The following PRDM16 variants were observed in gnomAD, a reference collection of about 807,000 sequenced individuals.
PRDM16 encodes histone-lysine N-methyltransferase PRDM16.
In PRDM16, 23 loss-of-function variants were observed where a neutral mutation model predicts 110.6. The observed-to-expected ratio is 0.21, with a 90% CI of 0.15 to 0.29. The LOEUF (loss-of-function observed/expected upper bound fraction) is 0.29, where lower values mean the gene tolerates loss of function less well. Among genes scored for constraint, PRDM16 ranks in the 10% least tolerant of loss-of-function variants. PRDM16 has a pLI of 1.00. For missense variants in PRDM16, 1,615 were observed against 1,794.3 expected (o/e 0.90, Z 1.81); for synonymous variants, 799 against 781.8 (o/e 1.02, Z -0.37).
At chr1:3,135,920 G>A (rs528083242) in intron 1 of PRDM16, among the ~76,000 whole-genome samples, 1 of 152,228 alleles carries the variant, frequency 6.6e-6, no homozygotes, top group Non-Finnish European at 1.5e-5. Context: ...CTGCAGAGCG[G>A]GGCAGGGGCC....
At position 3,435,592 on chromosome 1, in the gene PRDM16, C is replaced by T; in HGVS notation, c.*1781C>T. 4.3e-6 allele frequency: 1 copy of T among 229,978 alleles called. No homozygotes were observed. Among genetic ancestry groups the T allele is most frequent in the Non-Finnish European group, 8.6e-6 (1 of 116,442 alleles). 14.2% of individuals were successfully genotyped at this position (229,978 alleles called of 1,614,324 possible). A position where few individuals can be genotyped will look rare whatever the true frequency, so the allele number is the denominator to read the frequency against. ...GAAGAGAAAAAAAATGCCCAAGTTGCCCTTTAAAAAAAAAGAGCGTAAATA... is the reference window on the plus strand; with the variant it reads ...GAAGAGAAAAAAAATGCCCAAGTTGTCCTTTAAAAAAAAAGAGCGTAAATA... On this transcript the variant is annotated 3_prime_UTR_variant, in exon 17 of 17. Coordinates refer to ENST00000270722, the MANE Select transcript of PRDM16 (RefSeq NM_022114.4).
intron 3 of PRDM16, among the ~76,000 whole-genome samples, chr1:3,291,705 G>A (rs577767351): frequency 6.6e-6 from 1 of 152,374 alleles, no homozygotes; most frequent in East Asian, 1.9e-4. Context: ...TCTTGGCAGT[G>A]CGGGGGAGCT....
Position 3,190,925 on chromosome 1 carries a change from C to G in PRDM16, c.387+4451C>G, listed in dbSNP as rs1030500637. On this transcript the variant is annotated intron_variant, in intron 2 of 16. Transcript: ENST00000270722. The surrounding 1 kb of genome is among the most constrained non-coding windows in gnomAD (Gnocchi z 5.0). ...GTGAGGCACTGGGGAGGCCACCTGC[C>G]CCCGGCTGGGCCTTCAGCTGTGTGT... Among the ~76,000 whole-genome samples, 1 of 152,158 alleles carries G rather than the reference C, an allele frequency of 6.6e-6. No individual in the cohort carries two copies. The highest frequency in any genetic ancestry group is 1.5e-5 in the Non-Finnish European group (1 of 68,028).
chr1:3,201,881 G>A lies in PRDM16; in HGVS notation c.387+15407G>A, dbSNP rs557209110. 2.6e-5 allele frequency among the ~76,000 whole-genome samples: 4 copies of A among 152,302 alleles called. No individual in the cohort carries two copies. The highest frequency in any genetic ancestry group is 4.1e-4 in the South Asian group (2 of 4,826). On this transcript the variant is annotated intron_variant, in intron 2 of 16. Coordinates refer to ENST00000270722, the MANE Select transcript of PRDM16 (RefSeq NM_022114.4). The surrounding 1 kb of genome is among the most constrained non-coding windows in gnomAD (Gnocchi z 4.1). ...TCCCAGATCCCACATGAGCTTAGGCGCTGACTCCACCTCTCGGAGGGACCT... is the reference window on the plus strand; with the variant it reads ...TCCCAGATCCCACATGAGCTTAGGCACTGACTCCACCTCTCGGAGGGACCT...
chr1:3,174,937 C>G (rs958625694), intron 1 of PRDM16, among the ~76,000 whole-genome samples: 1 of 152,154 alleles, frequency 6.6e-6, no homozygotes, highest in Non-Finnish European at 1.5e-5. Flanking sequence ...TGCTATCAAT[C>G]TGCTGTGTTA....
chr1:3,297,280 ATTTTTT>A (rs34666813), intron 3 of PRDM16, among the ~76,000 whole-genome samples: 3 of 120,986 alleles, frequency 2.5e-5, no homozygotes, highest in African/African-American at 9.5e-5. Context: ...GGTGAGAGGA[ATTTTTT>A]TTTTTTTTTT....
intron 3 of PRDM16, among the ~76,000 whole-genome samples, chr1:3,313,729 C>T (rs998175419): frequency 6.6e-6 from 1 of 152,216 alleles, no homozygotes; most frequent in Non-Finnish European, 1.5e-5. Flanking sequence ...CTCGCCGCCT[C>T]CTGCCCCGGC....
chr1:3,329,061 C>A (rs1230389323), intron 3 of PRDM16, among the ~76,000 whole-genome samples: 1 of 152,088 alleles, frequency 6.6e-6, no homozygotes, highest in Non-Finnish European at 1.5e-5. Context: ...TGGGCCCCTC[C>A]TAGGAAACTT....
intron 2 of PRDM16, among the ~76,000 whole-genome samples, chr1:3,230,747 C>T (rs1236095246): frequency 6.6e-6 from 1 of 152,252 alleles, no homozygotes; most frequent in African/African-American, 2.4e-5. Context: ...GCCTGTCTCG[C>T]TGGCTGTGTG....
chr1:3,354,628 G>A (rs909247958), intron 3 of PRDM16, among the ~76,000 whole-genome samples: 10 of 152,280 alleles, frequency 6.6e-5, no homozygotes, highest in African/African-American at 2.4e-4. Context: ...AGGCTGGGGT[G>A]TCTGGTGTTC....
intron 3 of PRDM16, among the ~76,000 whole-genome samples, chr1:3,360,660 G>T (rs536756355): frequency 1.3e-5 from 2 of 152,244 alleles, no homozygotes; most frequent in Non-Finnish European, 2.9e-5. Context: ...CCTAGGTCCC[G>T]TGGGGAGGAG....
chr1:3,223,661 T>C (rs1347448824), intron 2 of PRDM16, among the ~76,000 whole-genome samples: 3 of 152,218 alleles, frequency 2.0e-5, no homozygotes, highest in African/African-American at 7.2e-5. Context: ...AATTTGAGTG[T>C]TGGGTCTGCA....
chr1:3,254,579 C>G (rs148271114), intron 3 of PRDM16, among the ~76,000 whole-genome samples: 1 of 152,088 alleles, frequency 6.6e-6, no homozygotes, highest in Non-Finnish European at 1.5e-5. Context: ...GAATAAAGTA[C>G]CTAGGAATCC....
chr1:3,431,045 A>G lies in PRDM16; in HGVS notation c.3458A>G (p.Tyr1153Cys), dbSNP rs1444710484. The change falls in exon 15 of 17, where the codon TAC (tyrosine) becomes TGC (cysteine). Residue 1153 changes from tyrosine (Y) to cysteine (C), a missense_variant. Around this residue, in one of 5 missense-constraint regions of PRDM16, gnomAD observed 327 missense variants for 359.3 expected, o/e 0.91. Coordinates refer to ENST00000270722, the MANE Select transcript of PRDM16 (RefSeq NM_022114.4). ...VSPAPEPQAA[Y>C]EDEEDEEPAA... ...CCCGCACCCGAGCCCCAGGCCGCCT[A>G]CGAGGATGAGGAGGATGAGGAGCCA... 9 of 1,561,192 alleles carry G rather than the reference A, an allele frequency of 5.8e-6. No homozygotes were observed. Among genetic ancestry groups the G allele is most frequent in the Non-Finnish European group, 6.9e-6 (8 of 1,152,742 alleles).
At chr1:3,394,493 T>A in intron 4 of PRDM16, 1 of 62,566 alleles carries the variant, frequency 1.6e-5, no homozygotes, top group Non-Finnish European at 3.1e-5. Context: ...GAGAGGGAGG[T>A]GGTGGGTGGG....
At chr1:3,241,111 G>C (rs1639664233) in intron 2 of PRDM16, among the ~76,000 whole-genome samples, 1 of 152,260 alleles carries the variant, frequency 6.6e-6, no homozygotes. Context: ...TTTTCCAGCC[G>C]AGGTCAGCAG....
At chr1:3,198,557 C>T (rs924669164) in intron 2 of PRDM16, among the ~76,000 whole-genome samples, 4 of 152,204 alleles carry the variant, frequency 2.6e-5, no homozygotes, top group Non-Finnish European at 5.9e-5. Flanking sequence ...GACGCGTGGG[C>T]AGCACCACCG....
intron 1 of PRDM16, among the ~76,000 whole-genome samples, chr1:3,160,422 T>G (rs2100739071): frequency 6.6e-6 from 1 of 152,250 alleles, no homozygotes; most frequent in East Asian, 1.9e-4. Context: ...TCCTCATTGA[T>G]GAACTCACCG....
chr1:3,413,931 T>G (rs1643737402), intron 9 of PRDM16, among the ~76,000 whole-genome samples: 2 of 152,130 alleles, frequency 1.3e-5, no homozygotes. Flanking sequence ...CTGGAGGGTG[T>G]TTAGACAGGG....
Sources: gnomAD v4.1 joint callset for allele counts (sites outside exome capture counted in the v4.1 genomes callset) on GRCh38, gnomAD v4.1.1 for gene constraint, gnomAD v4.1.1 regional missense constraint, Gnocchi (gnomAD v3.1) non-coding constraint, MANE v1.5 for transcripts, NCBI Gene and HGNC (gene_info 2026-07-23, HGNC 2026-07-21) for gene names.